Variants in RBFOX2 observed in about 807,000 individuals in gnomAD.
RBFOX2 encodes RNA binding fox-1 homolog 2, also known as RNA binding protein fox-1 homolog 2.
In RBFOX2, 10 loss-of-function variants were observed where a neutral mutation model predicts 49.1. The observed-to-expected ratio is 0.20, with a 90% CI of 0.13 to 0.35. The LOEUF is 0.35. RBFOX2 is among the 10% of genes least tolerant of loss of function. The pLI is 1.00. For missense variants in RBFOX2, 323 were observed against 486.9 expected, an observed-to-expected ratio of 0.66 and a Z score of 3.17; for synonymous variants, 183 against 187.4, an observed-to-expected ratio of 0.98 and a Z score of 0.19.
intron 1 of RBFOX2, among the ~76,000 whole-genome samples, chr22:36,020,728 T>C (rs992116796): frequency 6.6e-6 from 1 of 152,148 alleles, no homozygotes; most frequent in African/African-American, 2.4e-5. Flanking sequence ...ATGGCGATCA[T>C]TAAAAAGTCA....
intron 2 of RBFOX2, among the ~76,000 whole-genome samples, chr22:35,786,568 A>T (rs1203214251): frequency 1.3e-5 from 2 of 152,226 alleles, no homozygotes; most frequent in Non-Finnish European, 2.9e-5. Flanking sequence ...TCCCCTGGCA[A>T]AGGGTCACGA....
chr22:35,924,884 G>A (rs555886331), intron 1 of RBFOX2, among the ~76,000 whole-genome samples: 14 of 152,280 alleles, frequency 9.2e-5, no homozygotes, highest in African/African-American at 3.4e-4. Flanking sequence ...TTACAAAGTA[G>A]GAGGCTGGGC....
intron 9 of RBFOX2, among the ~76,000 whole-genome samples, 188 bp downstream of exon 11, chr22:35,755,917 G>A (rs1294328823): frequency 6.6e-6 from 1 of 151,460 alleles, no homozygotes; most frequent in Non-Finnish European, 1.5e-5. Flanking sequence ...AGGGGCAAGC[G>A]CAGTGGCAGA....
intron 1 of RBFOX2, among the ~76,000 whole-genome samples, chr22:35,907,570 G>A (rs1196642351): frequency 1.3e-5 from 2 of 152,186 alleles, no homozygotes; most frequent in African/African-American, 2.4e-5. Context: ...GTGTGGGGAA[G>A]AGGAGATTGT....
intron 1 of RBFOX2, chr22:35,897,383 A>T: frequency 9.3e-7 from 1 of 1,074,492 alleles, no homozygotes; most frequent in Non-Finnish European, 1.5e-6. Flanking sequence ...CCTGAATACC[A>T]AGGTCTTCTA....
intron 2 of RBFOX2, among the ~76,000 whole-genome samples, chr22:35,803,653 G>A (rs1950170315): frequency 6.6e-6 from 1 of 151,964 alleles, no homozygotes; most frequent in African/African-American, 2.4e-5. Context: ...CTCCAGCCTG[G>A]GTGACAAAGT....
At chr22:36,000,360 G>C (rs1267574825) in intron 1 of RBFOX2, 1 of 152,112 alleles carries the variant, frequency 6.6e-6, no homozygotes, top group African/African-American at 2.4e-5. Flanking sequence ...TAAAGTTTCA[G>C]AGCTCAGAGG....
In RBFOX2 at chr22:35,900,594, A is replaced by T. The variant is rs1022891795; in HGVS notation, c.-34+38253T>A. Among the ~76,000 whole-genome samples the T allele has an allele frequency of 4.1e-4, 40 of 96,834 alleles. 1 individual carries two copies. The highest frequency in any genetic ancestry group is 3.0e-3 in the African/African-American group (38 of 12,502). The allele number at this position is 96,834 out of a possible 152,430, so 63.5% of individuals were successfully genotyped here. A position where few individuals can be genotyped will look rare whatever the true frequency, so the allele number is the denominator to read the frequency against. ...TGAGTATTGTCTATGAAGCTGACTT[A>T]AAAAAAAAAAAAAAAGTCGAAAGAA... is the stretch of plus-strand genomic sequence containing the variant. On this transcript the variant is annotated intron_variant, in intron 1 of 13. Transcript: ENST00000359369.
intron 1 of RBFOX2, among the ~76,000 whole-genome samples, chr22:35,989,813 A>G (rs1274559197): frequency 6.6e-6 from 1 of 152,152 alleles, no homozygotes; most frequent in Non-Finnish European, 1.5e-5. Flanking sequence ...GAAGGGAAGC[A>G]AAAGGAAAGG....
intron 5 of RBFOX2, among the ~76,000 whole-genome samples, chr22:35,767,598 G>A (rs1941401657): frequency 6.6e-6 from 1 of 152,144 alleles, no homozygotes. Context: ...ATACCAGGCG[G>A]TAGACTTGGT....
rs186963326 is a variant in RBFOX2 at position 35,860,906 on chromosome 22, G to A, written c.-33-50902C>T. Among the ~76,000 whole-genome samples the A allele has an allele frequency of 2.8e-3, 432 of 152,182 alleles. 5 individuals are homozygous for A. The highest frequency in any genetic ancestry group is 0.028 in the South Asian group (135 of 4,816). ...TTTTCTCTAGGCCTGTACTGAAATC[G>A]AATGCTATACCTGATGTTTGTAACA... On this transcript the variant is annotated intron_variant, in intron 1 of 13. Coordinates refer to the RBFOX2 transcript ENST00000359369.
At chr22:35,944,819 T>C (rs1201349434) in intron 1 of RBFOX2, among the ~76,000 whole-genome samples, 1 of 152,110 alleles carries the variant, frequency 6.6e-6, no homozygotes, top group African/African-American at 2.4e-5. Flanking sequence ...CTCACGGCTG[T>C]AATCCCGGCA....
intron 1 of RBFOX2, among the ~76,000 whole-genome samples, chr22:35,971,112 A>G (rs564790861): frequency 1.3e-5 from 2 of 152,236 alleles, no homozygotes; most frequent in East Asian, 3.9e-4. Flanking sequence ...AGTGCCTGAT[A>G]TACTGCAGTA....
intron 1 of RBFOX2, among the ~76,000 whole-genome samples, chr22:35,901,206 G>T (rs192069615): frequency 6.6e-6 from 1 of 152,190 alleles, no homozygotes; most frequent in East Asian, 1.9e-4. Context: ...AAAGTTCAAC[G>T]TTCGTTTTTA....
At chr22:35,989,434 A>AT (rs2057868531) in intron 1 of RBFOX2, among the ~76,000 whole-genome samples, 1 of 151,860 alleles carries the variant, frequency 6.6e-6, no homozygotes, top group South Asian at 2.1e-4. Flanking sequence ...AGGAATATTC[A>AT]TTGGATGTAG....
intron 1 of RBFOX2, among the ~76,000 whole-genome samples, chr22:35,868,090 T>C (rs1459582985): frequency 6.6e-6 from 1 of 151,968 alleles, no homozygotes; most frequent in Non-Finnish European, 1.5e-5. Context: ...TGTGAGCCTG[T>C]AGTCCCAGCT....
At chr22:35,849,616 T>C (rs1287903886) in intron 1 of RBFOX2, among the ~76,000 whole-genome samples, 1 of 152,054 alleles carries the variant, frequency 6.6e-6, no homozygotes, top group African/African-American at 2.4e-5. Context: ...ACACCATACA[T>C]AGCAAAAGGG....
chr22:35,819,674 C>T (rs1954007817), intron 1 of RBFOX2, among the ~76,000 whole-genome samples: 1 of 152,158 alleles, frequency 6.6e-6, no homozygotes, highest in Non-Finnish European at 1.5e-5. Flanking sequence ...ATCAGATATT[C>T]TGTTCTAGCT....
chr22:35,749,422 T>G lies in RBFOX2; in HGVS notation c.888-2861A>C, dbSNP rs1246982842. ...TTAGGATAGATAGGCAATATCCTAC[T>G]AAACTAACTTGGTAATTCACTAATG... On this transcript the variant is annotated intron_variant, in intron 9 of 11. Coordinates refer to ENST00000405409, the Ensembl canonical transcript of RBFOX2. The surrounding 1 kb of genome is among the most constrained non-coding windows in gnomAD (Gnocchi z 4.1). Among the ~76,000 whole-genome samples the G allele has an allele frequency of 6.6e-6, 1 of 152,174 alleles. No homozygotes were observed. The highest frequency in any genetic ancestry group is 1.9e-4 in the East Asian group (1 of 5,202).
Sources: gnomAD v4.1 joint callset for allele counts (sites outside exome capture counted in the v4.1 genomes callset) on GRCh38, gnomAD v4.1.1 for gene constraint, Gnocchi (gnomAD v3.1) non-coding constraint, MANE v1.5 for transcripts, NCBI Gene and HGNC (gene_info 2026-07-23, HGNC 2026-07-21) for gene names.